Variants in EPRS1 observed in about 807,000 individuals in gnomAD.
EPRS1 encodes the protein glutamyl-prolyl-tRNA synthetase 1, also known as bifunctional glutamate/proline--tRNA ligase.
EPRS1 carries 107 observed loss-of-function variants against 188.3 expected under a neutral mutation model. The observed-to-expected ratio is 0.57, with a 90% CI of 0.49 to 0.67. The LOEUF is 0.67. Ranked by LOEUF, EPRS1 falls within the 30% of genes least tolerant of loss-of-function variation. The pLI, the probability that EPRS1 is intolerant of heterozygous loss-of-function variation, is 0.00. For synonymous variants in EPRS1, 596 were observed against 593.1 expected (o/e 1.00, Z -0.07); for missense variants, 1,577 against 1,802.2 (o/e 0.88, Z 2.26).
chr1:220,027,704 C>T (rs751930295), intron 6 of EPRS1, among the ~76,000 whole-genome samples: 31 of 151,762 alleles, frequency 2.0e-4, no homozygotes, highest in Admixed American at 8.5e-4. Flanking sequence ...GGCTGTACGC[C>T]GGGTGCAGTG....
rs557168232 is a variant in EPRS1 at position 220,006,365 on chromosome 1, A to T, written c.1743-52T>A. On this transcript the variant is annotated intron_variant, in intron 14 of 31. Coordinates refer to ENST00000366923, the MANE Select transcript of EPRS1 (RefSeq NM_004446.3). The stretch of plus-strand genomic sequence containing the variant: ...AGAAATATTAACCACAGCTGCCATA[A>T]ATTCATTATTTTGTTCTATAATAAT... 3.3e-5 allele frequency: 22 copies of T among 658,576 alleles called. No individual in the cohort carries two copies. In the East Asian group the frequency reaches 6.3e-4, roughly 19 times the overall value. 40.8% of individuals were successfully genotyped at this position (658,576 alleles called of 1,614,324 possible).
chr1:219,980,677 A>G, intron 25 of EPRS1, 79 bp downstream of exon 25: 1 of 964,510 alleles, frequency 1.0e-6, no homozygotes. Context: ...CAGGTGTTAC[A>G]TACATTTTAA....
In EPRS1 at chr1:220,001,149, T is replaced by G. The variant is rs1661342377; in HGVS notation, c.2170A>C (p.Thr724Pro). The change falls in exon 17 of 32, where the codon ACA becomes CCA. Residue 724 changes from threonine (T) to proline (P), a missense_variant. Thr to Pro is a conservative substitution (Grantham distance 38, BLOSUM62 -1). This residue lies in a region of EPRS1 where 1,278 missense variants were observed against 1,457.4 expected (regional missense o/e 0.88). Coordinates refer to ENST00000366923, the MANE Select transcript of EPRS1 (RefSeq NM_004446.3). The stretch of plus-strand genomic sequence containing the variant: ...GTAAAAGTCATTACCTCATTTTTTG[T>G]GGCTTCTACTTTGGTCTTTTCCTTT... ...GSKEKTKVEA[T>P]KNETSAPFKE... 1 of 1,600,056 alleles carries G rather than the reference T, an allele frequency of 6.2e-7. No homozygotes were observed. The highest frequency in any genetic ancestry group is 1.1e-5 in the South Asian group (1 of 90,840).
chr1:220,024,266 T>C lies in EPRS1; in HGVS notation c.941A>G (p.Asn314Ser), dbSNP rs754296954. 6.4e-7 allele frequency: 1 copy of C among 1,564,556 alleles called. No homozygotes were observed. The highest frequency in any genetic ancestry group is 1.2e-5 in the South Asian group (1 of 83,304). The change falls in exon 8 of 32, where the codon AAC becomes AGC. Residue 314 changes from asparagine (N) to serine (S), a missense_variant and splice_region_variant. Asn to Ser is a conservative substitution (Grantham distance 46). This residue lies in a region of EPRS1 where 1,278 missense variants were observed against 1,457.4 expected (regional missense o/e 0.88). Coordinates refer to ENST00000366923, the MANE Select transcript of EPRS1 (RefSeq NM_004446.3). The part of the protein sequence containing the change: ...EQRIDSKHRK[N>S]PIEKNLQMWE... ...AAATATAAAACAATGTGGCTTACGGTTTTTTCTATGTTTAGAGTCTATCCT... is the reference window on the plus strand; with the variant it reads ...AAATATAAAACAATGTGGCTTACGGCTTTTTCTATGTTTAGAGTCTATCCT...
intron 6 of EPRS1, among the ~76,000 whole-genome samples, chr1:220,029,904 T>C (rs1486067748): frequency 6.6e-6 from 1 of 152,112 alleles, no homozygotes; most frequent in East Asian, 1.9e-4. Flanking sequence ...TGCCAAGAGA[T>C]GAAGGGGTTG....
At chr1:219,973,945 G>GT (rs965010061) in intron 28 of EPRS1, among the ~76,000 whole-genome samples, 87 of 150,704 alleles carry the variant, frequency 5.8e-4, no homozygotes, top group African/African-American at 1.2e-3. Context: ...CTGAGAATTT[G>GT]TTTTTTTTTG....
intron 16 of EPRS1, among the ~76,000 whole-genome samples, chr1:220,004,679 A>T (rs1202615593): frequency 6.6e-6 from 1 of 152,260 alleles, no homozygotes. Context: ...TATCTAAAGC[A>T]GTTAGATTCA....
intron 28 of EPRS1, among the ~76,000 whole-genome samples, chr1:219,976,951 C>T (rs1660792966): frequency 6.6e-6 from 1 of 152,092 alleles, no homozygotes; most frequent in African/African-American, 2.4e-5. Flanking sequence ...AGATTATTTT[C>T]CCCTTTATAC....
chr1:220,038,449 G>T, intron 2 of EPRS1, among the ~76,000 whole-genome samples: 1 of 135,016 alleles, frequency 7.4e-6, no homozygotes, highest in Non-Finnish European at 1.5e-5. Context: ...GGAGTGCAGT[G>T]GTGCGATCCT....
chr1:220,044,387 T>C (rs190395932), intron 1 of EPRS1, among the ~76,000 whole-genome samples: 1 of 152,200 alleles, frequency 6.6e-6, no homozygotes, highest in Non-Finnish European at 1.5e-5. Context: ...TGTAATACAC[T>C]ACAGAAACAG....
intron 6 of EPRS1, 142 bp downstream of exon 6, chr1:220,030,244 A>G: frequency 1.8e-6 from 1 of 554,522 alleles, no homozygotes; most frequent in East Asian, 3.0e-5. Flanking sequence ...AACTGTTAAA[A>G]CGTTTAGAAT....
At position 219,968,954 on chromosome 1, in the gene EPRS1, T is replaced by C. The variant is rs764426322; in HGVS notation, c.4391A>G (p.Asp1464Gly). ...EDWIKKTTAR[D>G]QDLEPGAPSM... Reference sequence around the variant, plus strand: ...TGGAGCACCAGGTTCAAGATCTTGATCCCTGAAATTAATAACAAATAAGAA... The same window carrying C: ...TGGAGCACCAGGTTCAAGATCTTGACCCCTGAAATTAATAACAAATAAGAA... The change falls in exon 32 of 32, where the codon GAT becomes GGT. Residue 1464 changes from aspartate (D) to glycine (G), a missense_variant and splice_region_variant. Coordinates refer to ENST00000366923, the MANE Select transcript of EPRS1 (RefSeq NM_004446.3). The C allele has an allele frequency of 3.1e-6, 5 of 1,614,014 alleles. No homozygotes were observed. In the South Asian group the frequency reaches 5.5e-5, roughly 18 times the overall value.
Position 219,980,768 on chromosome 1 carries a change from C to T in EPRS1, c.3543G>A (p.Glu1181=), listed in dbSNP as rs1366893903. ...EGHSAFATME[E]AAEEVLQILD... ...TAACTTTTTATACCTCTTCCGCTGCCTCTTCCATGGTAGCAAAAGCACTGT... is the reference window on the plus strand; with the variant it reads ...TAACTTTTTATACCTCTTCCGCTGCTTCTTCCATGGTAGCAAAAGCACTGT... Residue 1181 remains glutamate (E), a synonymous_variant, in exon 25 of 32, where the codon GAG becomes GAA. Coordinates refer to ENST00000366923, the MANE Select transcript of EPRS1 (RefSeq NM_004446.3). 2.5e-6 allele frequency: 4 copies of T among 1,610,266 alleles called. No individual in the cohort carries two copies. In the African/African-American group the frequency reaches 5.3e-5, roughly 22 times the overall value.
intron 12 of EPRS1, chr1:220,018,004 G>T: frequency 2.1e-6 from 1 of 472,162 alleles, no homozygotes; most frequent in Non-Finnish European, 3.6e-6. Context: ...TTTTCAATGC[G>T]TTTGTATAAG....
intron 4 of EPRS1, 54 bp downstream of exon 4, chr1:220,033,448 A>T: frequency 7.5e-7 from 1 of 1,327,006 alleles, no homozygotes; most frequent in Non-Finnish European, 1.1e-6. Flanking sequence ...TATAATTTTT[A>T]TCCAGCAAAA....
intron 1 of EPRS1, among the ~76,000 whole-genome samples, chr1:220,042,638 C>T (rs1240182924): frequency 1.3e-5 from 2 of 151,522 alleles, no homozygotes; most frequent in East Asian, 3.9e-4. Context: ...AAATGAACTA[C>T]TGGCCGGGCG....
At chr1:220,043,699 A>G (rs1299560925) in intron 1 of EPRS1, among the ~76,000 whole-genome samples, 1 of 152,196 alleles carries the variant, frequency 6.6e-6, no homozygotes, top group Non-Finnish European at 1.5e-5. Context: ...AAAAACAAAG[A>G]GCCTGAATCT....
intron 5 of EPRS1, 137 bp from the exon 6 acceptor site, chr1:220,030,617 G>T (rs191735857): frequency 1.5e-6 from 1 of 645,864 alleles, no homozygotes; most frequent in Non-Finnish European, 2.8e-6. Flanking sequence ...CCCTACACTT[G>T]AGGGTACAAA....
intron 28 of EPRS1, among the ~76,000 whole-genome samples, chr1:219,975,360 A>G (rs1346254928): frequency 2.0e-5 from 3 of 152,230 alleles, no homozygotes; most frequent in African/African-American, 7.2e-5. Flanking sequence ...AATTTGAGCT[A>G]GGCTTTTCAT....
Sources: gnomAD v4.1 joint callset for allele counts (sites outside exome capture counted in the v4.1 genomes callset) on GRCh38, gnomAD v4.1.1 for gene constraint, gnomAD v4.1.1 regional missense constraint, MANE v1.5 for transcripts, NCBI Gene and HGNC (gene_info 2026-07-23, HGNC 2026-07-21) for gene names.